The following ANKRD13A variants were observed in gnomAD, a reference collection of about 807,000 sequenced individuals.
ANKRD13A encodes ankyrin repeat domain-containing protein 13A.
A neutral mutation model predicts 81.3 loss-of-function variants in ANKRD13A; 48 were observed. The ratio of observed to expected loss-of-function variants is 0.59; its 90% CI spans 0.47 to 0.75. The LOEUF is 0.75. ANKRD13A is among the 30% of genes least tolerant of loss of function. The probability of loss-of-function intolerance (pLI) is 0.00; values close to 1 mark genes in which losing one functional copy is unlikely to be tolerated. For synonymous variants in ANKRD13A, 230 were observed against 270.1 expected (o/e 0.85, Z 1.45); for missense variants, 612 against 734.0 (o/e 0.83, Z 1.92).
intron 1 of ANKRD13A, among the ~76,000 whole-genome samples, chr12:110,006,816 G>C (rs562842765): frequency 6.6e-6 from 1 of 152,102 alleles, no homozygotes; most frequent in Non-Finnish European, 1.5e-5. Flanking sequence ...GGCTGATCTC[G>C]AACTCCCTAC....
intron 3 of ANKRD13A, among the ~76,000 whole-genome samples, chr12:110,014,998 G>C (rs1344831660): frequency 1.3e-5 from 2 of 151,592 alleles, no homozygotes; most frequent in African/African-American, 2.4e-5. Flanking sequence ...CCATGGTCTC[G>C]ATCTCCTGAC....
intron 3 of ANKRD13A, 147 bp downstream of exon 3, chr12:110,013,396 G>C: frequency 9.6e-7 from 1 of 1,046,968 alleles, no homozygotes; most frequent in Non-Finnish European, 1.4e-6. Flanking sequence ...ATTATTCCTT[G>C]CCCTTCTAAT....
chr12:110,037,377 C>T lies in ANKRD13A; in HGVS notation c.1596C>T (p.Leu532=). 3 of 1,614,144 alleles carry T rather than the reference C, an allele frequency of 1.9e-6. No homozygotes were observed. The South Asian group carries it at 3.3e-5, about 18-fold the overall frequency. The part of the protein sequence containing the change: ...AQYERAIQES[L]LTSTEGLCPS... ...AACCCAGGGCCATCCAGGAGAGCCT[C>T]CTCACCAGCACAGAAGGCCTGTGCC... The change falls in exon 15 of 15, where the codon CTC becomes CTT. Residue 532 remains leucine (L), a synonymous_variant. Coordinates refer to ENST00000261739, the MANE Select transcript of ANKRD13A (RefSeq NM_033121.2).
rs181254797 is a variant in ANKRD13A at position 110,028,840 on chromosome 12, C to T, written c.1076+198C>T. The T allele has an allele frequency of 3.5e-3, 1,876 of 535,942 alleles. 11 individuals carry two copies. Among genetic ancestry groups the T allele is most frequent in the Non-Finnish European group, 5.2e-3 (1,679 of 320,450 alleles). The allele number at this position is 535,942 out of a possible 1,614,324, so 33.2% of individuals were successfully genotyped here. ...GCAACCTCTGCCTCCCAGGTTCAAGCGGTTCTCCTGCCTCAGCCTCCTGAG... is the reference window on the plus strand; with the variant it reads ...GCAACCTCTGCCTCCCAGGTTCAAGTGGTTCTCCTGCCTCAGCCTCCTGAG... On this transcript the variant is annotated intron_variant, in intron 10 of 14. Transcript: ENST00000261739.
chr12:109,999,868 C>T lies in ANKRD13A; in HGVS notation c.96+84C>T. Reference sequence around the variant, plus strand: ...TTCGCCTCCCTGAGCCCATTTCCAGCCCTCTGTCCCCGGGATCCCCAGACC... The same window carrying T: ...TTCGCCTCCCTGAGCCCATTTCCAGTCCTCTGTCCCCGGGATCCCCAGACC... On this transcript the variant is annotated intron_variant, in intron 1 of 14. Coordinates refer to ENST00000261739, the MANE Select transcript of ANKRD13A (RefSeq NM_033121.2). The surrounding 1 kb of genome is among the most constrained non-coding windows in gnomAD (Gnocchi z 4.3). 1 of 1,252,310 alleles carries T rather than the reference C, an allele frequency of 8.0e-7. No homozygotes were observed. The highest frequency in any genetic ancestry group is 2.5e-5 in the Admixed American group (1 of 39,542). 77.6% of individuals were successfully genotyped at this position (1,252,310 alleles called of 1,614,324 possible).
intron 1 of ANKRD13A, 34 bp from the exon 2 acceptor site, chr12:110,011,971 T>G (rs746469389): frequency 6.4e-7 from 1 of 1,568,992 alleles, no homozygotes; most frequent in South Asian, 1.1e-5. Flanking sequence ...ATGTAATACA[T>G]CCAATTATGT....
In ANKRD13A at chr12:110,036,247, T is replaced by C; in HGVS notation, c.1510-14T>C. ...CTAAGACGTATTCATGTCTATCACA[T>C]TTGTCTTTGCCAGGAACTTTCAGGA... On this transcript the variant is annotated splice_polypyrimidine_tract_variant and intron_variant, in intron 13 of 14. Coordinates refer to ENST00000261739, the MANE Select transcript of ANKRD13A (RefSeq NM_033121.2). The surrounding 1 kb of genome is among the most constrained non-coding windows in gnomAD (Gnocchi z 4.6). 1 of 1,613,238 alleles carries C rather than the reference T, an allele frequency of 6.2e-7. No individual in the cohort carries two copies. The highest frequency in any genetic ancestry group is 1.3e-5 in the African/African-American group (1 of 75,016).
Position 110,027,777 on chromosome 12 carries a change from G to T in ANKRD13A, c.945+11G>T. ...TTTGGTGCACAAGGGGTAAGTTGAA[G>T]CAATGAGCTTTCATTGCAGTTAGAT... On this transcript the variant is annotated intron_variant, in intron 9 of 14. Transcript: ENST00000261739. 1 of 1,613,928 alleles carries T rather than the reference G, an allele frequency of 6.2e-7. No individual in the cohort carries two copies. The highest frequency in any genetic ancestry group is 1.1e-5 in the South Asian group (1 of 91,084).
intron 10 of ANKRD13A, 152 bp from the exon 11 acceptor site, chr12:110,029,326 C>G: frequency 1.3e-6 from 1 of 784,096 alleles, no homozygotes; most frequent in Non-Finnish European, 1.9e-6. Context: ...TCCTTGTGGC[C>G]CTAGACATTT....
At chr12:110,031,357 A>ATT (rs112846454) in intron 12 of ANKRD13A, among the ~76,000 whole-genome samples, 2 of 143,248 alleles carry the variant, frequency 1.4e-5, no homozygotes, top group Admixed American at 7.0e-5. Context: ...GGTTCAGTGC[A>ATT]TTTTTTTTTT....
intron 8 of ANKRD13A, among the ~76,000 whole-genome samples, chr12:110,026,383 G>C (rs892075035): frequency 1.3e-5 from 2 of 151,158 alleles, no homozygotes; most frequent in Non-Finnish European, 1.5e-5. Flanking sequence ...AGACCAGCCT[G>C]ACCAACATGG....
At chr12:110,009,658 T>C (rs933922948) in intron 1 of ANKRD13A, among the ~76,000 whole-genome samples, 1 of 152,226 alleles carries the variant, frequency 6.6e-6, no homozygotes, top group Non-Finnish European at 1.5e-5. Flanking sequence ...GCATTTTTTT[T>C]CGACTGCCTC....
intron 1 of ANKRD13A, among the ~76,000 whole-genome samples, chr12:110,003,700 G>A (rs777068402): frequency 2.6e-5 from 4 of 152,200 alleles, no homozygotes; most frequent in Non-Finnish European, 4.4e-5. Flanking sequence ...AGCTGGAAGG[G>A]GTGTCCAGTT....
intron 13 of ANKRD13A, among the ~76,000 whole-genome samples, chr12:110,034,665 C>T (rs1891917287): frequency 6.6e-6 from 1 of 152,150 alleles, no homozygotes. Context: ...TGGGACAGTC[C>T]AAGGCTTGAG....
chr12:110,033,113 G>T (rs1024010729), intron 12 of ANKRD13A, among the ~76,000 whole-genome samples: 6 of 149,814 alleles, frequency 4.0e-5, no homozygotes, highest in Non-Finnish European at 7.4e-5. Flanking sequence ...GAGTGCAGTG[G>T]TGCGATCTTG....
intron 1 of ANKRD13A, 47 bp from the exon 2 acceptor site, chr12:110,011,958 T>C: frequency 1.3e-6 from 2 of 1,551,220 alleles, no homozygotes; most frequent in Non-Finnish European, 1.8e-6. Context: ...TTTCCCTATT[T>C]TAATGTAATA....
At chr12:110,030,900 G>A (rs1891648994) in intron 12 of ANKRD13A, 142 bp downstream of exon 12, 1 of 350,848 alleles carries the variant, frequency 2.9e-6, no homozygotes, top group East Asian at 5.6e-5. Context: ...TTTGAGACCA[G>A]CCTGACCAAC....
At position 110,019,125 on chromosome 12, in the gene ANKRD13A, G is replaced by C. The variant is rs758593632; in HGVS notation, c.545-14G>C. 2.6e-6 allele frequency: 4 copies of C among 1,562,222 alleles called. No homozygotes were observed. The highest frequency in any genetic ancestry group is 3.5e-6 in the Non-Finnish European group (4 of 1,152,030). On this transcript the variant is annotated splice_polypyrimidine_tract_variant and intron_variant, in intron 5 of 14. Transcript: ENST00000261739. ...CTACTTTGCACTTAGTTATGCCTTT[G>C]TTTCCATTAATAGACAACTGGGCGG... is the stretch of plus-strand genomic sequence containing the variant.
rs1265970273 is a variant in ANKRD13A, at chr12:110,013,170, C to A, written c.275C>A (p.Thr92Lys). The change falls in exon 3 of 15, where the codon ACA becomes AAA. Residue 92 changes from threonine to lysine, a missense_variant. Thr to Lys is a moderately conservative substitution (Grantham distance 78, BLOSUM62 -1). Coordinates refer to ENST00000261739, the MANE Select transcript of ANKRD13A (RefSeq NM_033121.2). The part of the protein sequence containing the change: ...VSTGDPEMVY[T>K]VLQHRDYHNT... ...ACTGGCGATCCTGAGATGGTGTACA[C>A]AGTTCTCCAACATCGAGACTACCAC... The A allele has an allele frequency of 6.2e-7, 1 of 1,614,178 alleles. No individual in the cohort carries two copies. Among genetic ancestry groups the A allele is most frequent in the East Asian group, 2.2e-5 (1 of 44,884 alleles).
Sources: allele counts gnomAD v4.1 joint callset (sites outside exome capture counted in the v4.1 genomes callset), GRCh38; gene constraint gnomAD v4.1.1; non-coding constraint Gnocchi (gnomAD v3.1); transcripts MANE v1.5; gene names NCBI Gene and HGNC (gene_info 2026-07-23, HGNC 2026-07-21).